INPP4B: variants seen among roughly 807,000 people sequenced by gnomAD.
INPP4B encodes the protein inositol polyphosphate 4-phosphatase type II.
Under a neutral mutation model 122.5 loss-of-function variants are expected in INPP4B, and 55 were observed. The ratio of observed to expected loss-of-function variants is 0.45; its 90% CI spans 0.36 to 0.56. INPP4B has a LOEUF of 0.56. Ranked by LOEUF, INPP4B falls within the 20% of genes least tolerant of loss-of-function variation. The pLI, the probability that INPP4B is intolerant of heterozygous loss-of-function variation, is 0.00. For missense variants in INPP4B, 1,000 were observed against 1,097.7 expected (o/e 0.91, Z 1.26); for synonymous variants, 403 against 388.7 (o/e 1.04, Z -0.43).
At chr4:142,506,806 C>G (rs893359078) in intron 2 of INPP4B, among the ~76,000 whole-genome samples, 2 of 152,020 alleles carry the variant, frequency 1.3e-5, no homozygotes, top group African/African-American at 2.4e-5. Context: ...AATGACAGTC[C>G]TAATATCCAA....
At chr4:142,763,111 T>C (rs753143585) in intron 1 of INPP4B, among the ~76,000 whole-genome samples, 32 of 152,230 alleles carry the variant, frequency 2.1e-4, no homozygotes, top group Non-Finnish European at 3.7e-4. Context: ...TATTCTGTTA[T>C]AGCCACGTGA....
At chr4:142,082,294 C>A in intron 24 of INPP4B, 109 bp from the exon 25 acceptor site, 1 of 909,376 alleles carries the variant, frequency 1.1e-6, no homozygotes. Flanking sequence ...ATTTGGGTTT[C>A]TGTTAGTTTA....
intron 16 of INPP4B, among the ~76,000 whole-genome samples, chr4:142,166,726 A>G (rs1318220748): frequency 6.6e-6 from 1 of 151,902 alleles, no homozygotes; most frequent in Admixed American, 6.6e-5. Context: ...AAAGTGGGAA[A>G]AGTACATGAA....
At chr4:142,208,324 A>G (rs1283535299) in intron 14 of INPP4B, 101 bp downstream of exon 14, 3 of 518,790 alleles carry the variant, frequency 5.8e-6, no homozygotes, top group Non-Finnish European at 1.0e-5. Flanking sequence ...TTTCAACTTT[A>G]TATAATTGTT....
Position 142,490,550 on chromosome 4 carries a change from A to AT in INPP4B, c.-190-27825dup, listed in dbSNP as rs138382026. On this transcript the variant is annotated intron_variant, in intron 2 of 25. Coordinates refer to ENST00000262992, the MANE Select transcript of INPP4B (RefSeq NM_001101669.3). ...ACCTATCCATTACCTCATAATTATC[A>AT]TTTTTTGTGGTGAAAACATTTATAA... Among the ~76,000 whole-genome samples, 1,062 of 152,294 alleles carry AT rather than the reference A, an allele frequency of 7.0e-3. 15 individuals carry two copies. The highest frequency in any genetic ancestry group is 0.024 in the African/African-American group (1,004 of 41,554).
chr4:142,225,264 C>A (rs1051702721), intron 12 of INPP4B, among the ~76,000 whole-genome samples: 1 of 152,148 alleles, frequency 6.6e-6, no homozygotes, highest in Non-Finnish European at 1.5e-5. Flanking sequence ...GACTCTTGGA[C>A]TTACACCAGT....
intron 1 of INPP4B, among the ~76,000 whole-genome samples, chr4:142,833,100 G>A (rs1033574499): frequency 1.3e-5 from 2 of 151,632 alleles, no homozygotes; most frequent in Non-Finnish European, 2.9e-5. Flanking sequence ...TTTAGGGACA[G>A]GCAAATAATA....
At chr4:142,763,060 A>G (rs1771579850) in intron 1 of INPP4B, among the ~76,000 whole-genome samples, 1 of 152,166 alleles carries the variant, frequency 6.6e-6, no homozygotes, top group South Asian at 2.1e-4. Context: ...CAGAACTGTG[A>G]GAAATAAATT....
intron 2 of INPP4B, among the ~76,000 whole-genome samples, chr4:142,724,563 G>A (rs1765101065): frequency 6.6e-6 from 1 of 152,096 alleles, no homozygotes; most frequent in Admixed American, 6.5e-5. Flanking sequence ...GAGAGTCAAA[G>A]CTAATAGTTC....
chr4:142,154,902 A>G (rs984470223), intron 17 of INPP4B, among the ~76,000 whole-genome samples: 4 of 152,092 alleles, frequency 2.6e-5, no homozygotes, highest in African/African-American at 9.7e-5. Flanking sequence ...GTTCATGAAC[A>G]CATGGAGAAA....
At chr4:142,738,249 C>T (rs1333038683) in intron 1 of INPP4B, among the ~76,000 whole-genome samples, 1 of 152,092 alleles carries the variant, frequency 6.6e-6, no homozygotes, top group Admixed American at 6.6e-5. Flanking sequence ...GAAAATGTGG[C>T]ACATATACAC....
chr4:142,118,005 A>G lies in INPP4B; in HGVS notation c.2135+4123T>C, dbSNP rs529916085. 2.6e-5 allele frequency among the ~76,000 whole-genome samples: 4 copies of G among 152,300 alleles called. No homozygotes were observed. In the South Asian group the frequency reaches 8.3e-4, roughly 32 times the overall value. On this transcript the variant is annotated intron_variant, in intron 21 of 25. Coordinates refer to ENST00000262992, the MANE Select transcript of INPP4B (RefSeq NM_001101669.3). ...GCTTTACTATACACCAATAACAGAC[A>G]AACAGAAAGCCAAATCATGAGTGAA...
intron 7 of INPP4B, among the ~76,000 whole-genome samples, chr4:142,324,498 T>G (rs1771594755): frequency 6.6e-6 from 1 of 152,156 alleles, no homozygotes; most frequent in Non-Finnish European, 1.5e-5. Context: ...AGACCAGCCA[T>G]GAGTTTGAAT....
intron 1 of INPP4B, among the ~76,000 whole-genome samples, chr4:142,727,025 G>A (rs1322995336): frequency 2.0e-5 from 3 of 152,054 alleles, no homozygotes; most frequent in Non-Finnish European, 2.9e-5. Context: ...CTATTCCATT[G>A]AGAATCACTG....
intron 2 of INPP4B, among the ~76,000 whole-genome samples, chr4:142,635,867 T>TA (rs1330276287): frequency 2.0e-5 from 3 of 152,146 alleles, no homozygotes; most frequent in South Asian, 2.1e-4. Flanking sequence ...AATAAAAGTC[T>TA]AAAAAAATTA....
chr4:142,341,667 T>C (rs910557507), intron 7 of INPP4B, among the ~76,000 whole-genome samples: 4 of 152,204 alleles, frequency 2.6e-5, no homozygotes, highest in Non-Finnish European at 5.9e-5. Flanking sequence ...GCAAAGGTGA[T>C]AGGATGTCAC....
At chr4:142,228,382 TAGAAA>T (rs1280791237) in intron 12 of INPP4B, among the ~76,000 whole-genome samples, 2 of 152,058 alleles carry the variant, frequency 1.3e-5, no homozygotes, top group African/African-American at 4.8e-5. Context: ...ACATTGTATG[TAGAAA>T]AGAAGTCTTG....
chr4:142,156,092 T>A (rs1207594572), intron 17 of INPP4B, among the ~76,000 whole-genome samples: 2 of 151,652 alleles, frequency 1.3e-5, no homozygotes, highest in African/African-American at 4.8e-5. Context: ...ATAATTTGGA[T>A]GCTGAAATGC....
At chr4:142,277,113 T>C (rs1462688854) in intron 9 of INPP4B, among the ~76,000 whole-genome samples, 4 of 151,854 alleles carry the variant, frequency 2.6e-5, no homozygotes, top group African/African-American at 9.7e-5. Flanking sequence ...TGTTTGTTAG[T>C]CATTTGTATA....
Sources: allele counts gnomAD v4.1 joint callset (sites outside exome capture counted in the v4.1 genomes callset), GRCh38; gene constraint gnomAD v4.1.1; transcripts MANE v1.5; gene names NCBI Gene and HGNC (gene_info 2026-07-23, HGNC 2026-07-21).